The following ARHGAP45 variants were observed in gnomAD, a reference collection of about 807,000 sequenced individuals.
ARHGAP45 encodes the protein Rho GTPase activating protein 45, also known as rho GTPase-activating protein 45.
Under a neutral mutation model 116.1 loss-of-function variants are expected in ARHGAP45, and 56 were observed. That is an observed-to-expected ratio of 0.48 (90% CI 0.39 to 0.60). The LOEUF (loss-of-function observed/expected upper bound fraction) is 0.60. ARHGAP45 is among the 20% of genes least tolerant of loss of function. ARHGAP45 has a pLI of 0.00. For synonymous variants in ARHGAP45, 866 were observed against 701.7 expected, an observed-to-expected ratio of 1.23 and a Z score of -3.70; for missense variants, 1,622 against 1,601.0, an observed-to-expected ratio of 1.01 and a Z score of -0.22.
intron 21 of ARHGAP45, 123 bp downstream of exon 21, chr19:1,083,476 G>C: frequency 1.2e-6 from 1 of 832,852 alleles, no homozygotes; most frequent in South Asian, 1.7e-5. Flanking sequence ...GTTTGGACAG[G>C]GCTGTTCGGG....
Position 1,068,932 on chromosome 19 carries a change from G to A in ARHGAP45, c.421+188G>A, listed in dbSNP as rs951107663. Among the ~76,000 whole-genome samples, 7 of 150,144 alleles carry A rather than the reference G, an allele frequency of 4.7e-5. No homozygotes were observed. Among genetic ancestry groups the A allele is most frequent in the East Asian group, 2.0e-4 (1 of 5,078 alleles). On this transcript the variant is annotated intron_variant, in intron 2 of 22. Transcript: ENST00000313093. This position sits in a 1 kb window ranked among gnomAD's most constrained non-coding sequence, Gnocchi z 7.5. ...GAGTTTGGTGGGGGAGTCCCTGAGC[G>A]TACACTGGCTCAAGAGGGTGCCCAC...
rs2043059628 is a variant in ARHGAP45 at position 1,067,512 on chromosome 19, T to A, written c.90+17T>A. 6.3e-7 allele frequency: 1 copy of A among 1,582,236 alleles called. No homozygotes were observed. The highest frequency in any genetic ancestry group is 1.4e-5 in the African/African-American group (1 of 74,008). Reference sequence around the variant, plus strand: ...CCCTCGGGGGTGAGTGGAGCCCGGGTGAGACCCGGAGCTGACGCCGGGCCG... The same window carrying A: ...CCCTCGGGGGTGAGTGGAGCCCGGGAGAGACCCGGAGCTGACGCCGGGCCG... On this transcript the variant is annotated intron_variant, in intron 1 of 22. Transcript: ENST00000313093.
In ARHGAP45 at chr19:1,086,142, C is replaced by G; in HGVS notation, c.*136C>G. On this transcript the variant is annotated 3_prime_UTR_variant, in exon 23 of 23. Transcript: ENST00000313093. ...CGAGAGCGCCTGGACTTCGACGTCC[C>G]ACCAGCGGGCGCCTCCTCCCAGAGG... The G allele has an allele frequency of 1.3e-6, 1 of 759,802 alleles. No individual in the cohort carries two copies. The allele number at this position is 759,802 out of a possible 1,614,324, so 47.1% of individuals were successfully genotyped here. A position where few individuals can be genotyped will look rare whatever the true frequency, so the allele number is the denominator to read the frequency against.
At position 1,074,402 on chromosome 19, in the gene ARHGAP45, C is replaced by A. The variant is rs747003749; in HGVS notation, c.988C>A (p.Gln330Lys). Residue 330 changes from glutamine (Q) to lysine (K), a missense_variant, in exon 8 of 23, where the codon CAG (glutamine) becomes AAG (lysine). Coordinates refer to ENST00000313093, the MANE Select transcript of ARHGAP45 (RefSeq NM_012292.5). ...IAHNCRQSVM[Q>K]EPHMPLLSIY... ...TCACAACTGCAGACAGAGCGTCATGCAGGAGGTGGGGGCCCCGCGGGCACG... is the reference window on the plus strand; with the variant it reads ...TCACAACTGCAGACAGAGCGTCATGAAGGAGGTGGGGGCCCCGCGGGCACG... The A allele has an allele frequency of 6.4e-7, 1 of 1,565,104 alleles. No homozygotes were observed. Among genetic ancestry groups the A allele is most frequent in the Admixed American group, 1.9e-5 (1 of 52,886 alleles).
intron 19 of ARHGAP45, chr19:1,082,386 T>A (rs543119759): frequency 6.1e-5 from 11 of 180,220 alleles, no homozygotes; most frequent in Non-Finnish European, 9.8e-5. Flanking sequence ...GCTAGACAAG[T>A]GCGGGGCTGG....
Position 1,083,371 on chromosome 19 carries a change from A to G in ARHGAP45, c.2955+18A>G, listed in dbSNP as rs1599773594. ...GGGGCCAGGTGAGGGTGTGGGCCTG[A>G]CCGGGGCTGGCCACTCGGGGCTTGG... On this transcript the variant is annotated intron_variant, in intron 21 of 22. Transcript: ENST00000313093. 6.5e-7 allele frequency: 1 copy of G among 1,535,852 alleles called. No individual in the cohort carries two copies. Among genetic ancestry groups the G allele is most frequent in the South Asian group, 1.2e-5 (1 of 83,974 alleles).
At chr19:1,075,502 C>T (rs1568463124) in intron 10 of ARHGAP45, among the ~76,000 whole-genome samples, 1 of 152,098 alleles carries the variant, frequency 6.6e-6, no homozygotes, top group Non-Finnish European at 1.5e-5. Context: ...GCGTCGGCCT[C>T]CCAAAGTGCT....
At chr19:1,082,376 GC>G (rs1377163223) in intron 19 of ARHGAP45, 3 of 312,730 alleles carry the variant, frequency 9.6e-6, no homozygotes, top group Non-Finnish European at 1.8e-5. Context: ...CGGGGCTGAG[GC>G]TAGACAAGTG....
chr19:1,080,469 C>A lies in ARHGAP45; in HGVS notation c.1834C>A (p.Arg612=). Reference sequence around the variant, plus strand: ...AGAGACGCCTCTTTCTCCAGCCGGGCGAGGACACCAGGTTCACAAGTCATG... The same window carrying A: ...AGAGACGCCTCTTTCTCCAGCCGGGAGAGGACACCAGGTTCACAAGTCATG... ...GTPAKDHRAG[R]GHQVHKSWPL... is the part of the protein sequence containing the mutation. Residue 612 remains arginine (R), a synonymous_variant, in exon 15 of 23, where the codon CGA becomes AGA. Coordinates refer to ENST00000313093, the MANE Select transcript of ARHGAP45 (RefSeq NM_012292.5). The A allele has an allele frequency of 1.2e-6, 2 of 1,612,792 alleles. No individual in the cohort carries two copies. Among genetic ancestry groups the A allele is most frequent in the Non-Finnish European group, 1.7e-6 (2 of 1,179,944 alleles).
In ARHGAP45 at chr19:1,069,322, G is replaced by T. The variant is rs759359290; in HGVS notation, c.421+578G>T. Among the ~76,000 whole-genome samples the T allele has an allele frequency of 6.6e-6, 1 of 152,174 alleles. No individual in the cohort carries two copies. The highest frequency in any genetic ancestry group is 1.5e-5 in the Non-Finnish European group (1 of 68,014). On this transcript the variant is annotated intron_variant, in intron 2 of 22. Coordinates refer to ENST00000313093, the MANE Select transcript of ARHGAP45 (RefSeq NM_012292.5). This position sits in a 1 kb window ranked among gnomAD's most constrained non-coding sequence, Gnocchi z 4.1. ...GGCAGTTCCGTTTTCTCCTCCACGC[G>T]GCCGCTGACAGCCCTGCTTCCTGCC...
chr19:1,066,269 T>G, upstream of ARHGAP45: 4 of 431,160 alleles, frequency 9.3e-6, no homozygotes, highest in Admixed American at 4.2e-5. Flanking sequence ...GGGAGAGAGT[T>G]CACACTGCGG....
rs2043125357 is a variant in ARHGAP45 at position 1,070,771 on chromosome 19, A to G, written c.421+2027A>G. Among the ~76,000 whole-genome samples, 3 of 151,624 alleles carry G rather than the reference A, an allele frequency of 2.0e-5. No individual in the cohort carries two copies. In the South Asian group the frequency reaches 6.3e-4, roughly 32 times the overall value. ...AGTGCTGGGATAACAGGCCTGATCC[A>G]CCGCGCCCGGCTGGGGGCGCCTTCT... On this transcript the variant is annotated intron_variant, in intron 2 of 22. Transcript: ENST00000313093.
chr19:1,072,756 CACTT>C (rs1037316151), intron 2 of ARHGAP45, among the ~76,000 whole-genome samples: 9 of 152,334 alleles, frequency 5.9e-5, no homozygotes, highest in Admixed American at 5.2e-4. Flanking sequence ...TCAGTTTCCT[CACTT>C]AGGAAGGGCA....
intron 22 of ARHGAP45, among the ~76,000 whole-genome samples, chr19:1,084,966 C>T (rs10426978): frequency 0.13 from 19,606 of 152,080 alleles, 1,520 homozygotes; most frequent in African/African-American, 0.22. Context: ...CCTGTAATCC[C>T]AGCTACTCAG....
In ARHGAP45 at chr19:1,074,623, C is replaced by A. The variant is rs890569928; in HGVS notation, c.1003C>A (p.Pro335Thr). Residue 335 changes from proline to threonine, a missense_variant, in exon 9 of 23, where the codon CCG becomes ACG. By Grantham distance (38) the Pro-to-Thr change is conservative. Coordinates refer to ENST00000313093, the MANE Select transcript of ARHGAP45 (RefSeq NM_012292.5). ...RQSVMQEPHM[P>T]LLSIYSLALE... The stretch of plus-strand genomic sequence containing the variant: ...GGTGCCCCACCCACAGCCCCACATG[C>A]CGCTCCTGTCCATCTACTCGCTGGC... 1.3e-6 allele frequency: 2 copies of A among 1,590,392 alleles called. No individual in the cohort carries two copies. The highest frequency in any genetic ancestry group is 1.7e-6 in the Non-Finnish European group (2 of 1,169,038).
At chr19:1,084,591 C>T (rs150116146) in intron 22 of ARHGAP45, among the ~76,000 whole-genome samples, 40 of 152,330 alleles carry the variant, frequency 2.6e-4, no homozygotes, top group African/African-American at 9.6e-4. Context: ...GTAACGTGAA[C>T]GTGGGGCTGA....
rs996697993 is a variant in ARHGAP45 at position 1,075,034 on chromosome 19, C to CT, written c.1185+155_1185+156insT. Among the ~76,000 whole-genome samples the CT allele has an allele frequency of 1.1e-3, 151 of 137,154 alleles. 2 individuals are homozygous for CT. The highest frequency in any genetic ancestry group is 4.2e-3 in the Middle Eastern group (1 of 238). 90.0% of individuals were successfully genotyped at this position (137,154 alleles called of 152,430 possible). A position where few individuals can be genotyped will look rare whatever the true frequency, so the allele number is the denominator to read the frequency against. The stretch of plus-strand genomic sequence containing the variant: ...GGCCTCGCAGGCTGGGCCGCCCCCC[C>CT]CAACGCCAAGCCGGGTCGGAGATGC... On this transcript the variant is annotated intron_variant, in intron 10 of 22. Coordinates refer to ENST00000313093, the MANE Select transcript of ARHGAP45 (RefSeq NM_012292.5).
At chr19:1,082,265 ACGC>A (rs2043460835) in intron 19 of ARHGAP45, among the ~76,000 whole-genome samples, 1 of 82,646 alleles carries the variant, frequency 1.2e-5, no homozygotes, top group Non-Finnish European at 2.2e-5. Flanking sequence ...GGCACACCTG[ACGC>A]TGTGCGGGGG....
chr19:1,072,745 C>T (rs1199854023), intron 2 of ARHGAP45, among the ~76,000 whole-genome samples: 1 of 152,230 alleles, frequency 6.6e-6, no homozygotes, highest in Non-Finnish European at 1.5e-5. Context: ...CTCTCTATGC[C>T]TCAGTTTCCT....
Sources: allele counts gnomAD v4.1 joint callset (sites outside exome capture counted in the v4.1 genomes callset), GRCh38; gene constraint gnomAD v4.1.1; non-coding constraint Gnocchi (gnomAD v3.1); transcripts MANE v1.5; gene names NCBI Gene and HGNC (gene_info 2026-07-23, HGNC 2026-07-21).